Variants in LUZP2 observed in about 807,000 individuals in gnomAD.
LUZP2 encodes leucine zipper protein 2.
LUZP2 carries 52 observed loss-of-function variants against 51.6 expected under a neutral mutation model. The ratio of observed to expected loss-of-function variants is 1.01; its 90% CI spans 0.81 to 1.27. LUZP2 has a LOEUF of 1.27. Among genes scored for constraint, LUZP2 ranks in the 50% most tolerant of loss-of-function variants. The pLI, the probability that LUZP2 is intolerant of heterozygous loss-of-function variation, is 0.00. For missense variants in LUZP2, 436 were observed against 395.4 expected (o/e 1.10, Z -0.87); for synonymous variants, 154 against 137.3 (o/e 1.12, Z -0.85).
intron 5 of LUZP2, among the ~76,000 whole-genome samples, chr11:24,894,965 C>T (rs1852989055): frequency 6.6e-6 from 1 of 152,130 alleles, no homozygotes; most frequent in Non-Finnish European, 1.5e-5. Flanking sequence ...ATGGCTAGTT[C>T]AAGTCAAGTT....
chr11:24,935,732 A>T (rs910580492), intron 7 of LUZP2, among the ~76,000 whole-genome samples: 17 of 152,186 alleles, frequency 1.1e-4, no homozygotes, highest in African/African-American at 4.1e-4. Flanking sequence ...GTCCTGATGT[A>T]TATAATATTA....
intron 1 of LUZP2, among the ~76,000 whole-genome samples, chr11:24,659,677 T>C (rs976751115): frequency 6.6e-6 from 1 of 152,094 alleles, no homozygotes; most frequent in East Asian, 1.9e-4. Context: ...ATACATAAAA[T>C]ATGCATAAGA....
intron 5 of LUZP2, among the ~76,000 whole-genome samples, chr11:24,847,994 A>C (rs1223539377): frequency 6.6e-6 from 1 of 152,154 alleles, no homozygotes; most frequent in Non-Finnish European, 1.5e-5. Context: ...TGGTACATAG[A>C]ATCATTTAAG....
At chr11:24,986,699 G>T (rs890028351) in intron 9 of LUZP2, among the ~76,000 whole-genome samples, 4 of 151,344 alleles carry the variant, frequency 2.6e-5, no homozygotes, top group South Asian at 4.1e-4. Context: ...AAACAAAAAG[G>T]CTTGTGTAAT....
rs567007039 is a variant in LUZP2 at position 24,969,663 on chromosome 11, C to T, written c.523-6928C>T. On this transcript the variant is annotated intron_variant, in intron 7 of 11. Coordinates refer to ENST00000336930, the MANE Select transcript of LUZP2 (RefSeq NM_001009909.4). ...ATATCTTCTAGTTTCTGCATAAAGT[C>T]ATTTAAGTGCCTAAATCAATTTTCA... is the stretch of plus-strand genomic sequence containing the variant. Among the ~76,000 whole-genome samples, 19 of 152,194 alleles carry T rather than the reference C, an allele frequency of 1.2e-4. No individual in the cohort carries two copies. In the East Asian group the frequency reaches 3.7e-3, roughly 29 times the overall value.
At chr11:24,755,720 A>G (rs1472087075) in intron 4 of LUZP2, among the ~76,000 whole-genome samples, 1 of 152,182 alleles carries the variant, frequency 6.6e-6, no homozygotes, top group Non-Finnish European at 1.5e-5. Flanking sequence ...CATTAACATT[A>G]AAACTGAGAT....
chr11:24,900,748 A>G (rs1853253543), intron 5 of LUZP2, among the ~76,000 whole-genome samples: 1 of 152,056 alleles, frequency 6.6e-6, no homozygotes, highest in Non-Finnish European at 1.5e-5. Flanking sequence ...TTTGTACCTC[A>G]CTTTCATTTT....
At chr11:24,856,427 T>G (rs1310345766) in intron 5 of LUZP2, among the ~76,000 whole-genome samples, 1 of 151,936 alleles carries the variant, frequency 6.6e-6, no homozygotes, top group African/African-American at 2.4e-5. Context: ...AAAAAGTCAA[T>G]AAAAGTTATT....
intron 5 of LUZP2, among the ~76,000 whole-genome samples, chr11:24,779,950 T>C (rs1414460282): frequency 6.6e-6 from 1 of 152,014 alleles, no homozygotes. Context: ...ACAACAGCCA[T>C]GAGAAAGTGG....
intron 1 of LUZP2, among the ~76,000 whole-genome samples, chr11:24,682,849 CA>C (rs1275701382): frequency 6.6e-6 from 1 of 151,778 alleles, no homozygotes. Flanking sequence ...ACTAAAAAGA[CA>C]AAAATTAGCT....
At chr11:24,973,185 T>C (rs10767290) in intron 7 of LUZP2, among the ~76,000 whole-genome samples, 136,890 of 150,602 alleles carry the variant, frequency 0.91, 63,664 homozygotes, top group Non-Finnish European at 1. Context: ...TGTTTGTTTC[T>C]AGGAACTTAT....
intron 7 of LUZP2, among the ~76,000 whole-genome samples, chr11:24,921,449 G>C (rs1447150266): frequency 6.6e-6 from 1 of 152,074 alleles, no homozygotes; most frequent in Non-Finnish European, 1.5e-5. Flanking sequence ...CATTACACTT[G>C]GCACAGGTGG....
At chr11:25,067,321 C>T (rs1239974125) in intron 10 of LUZP2, among the ~76,000 whole-genome samples, 1 of 151,940 alleles carries the variant, frequency 6.6e-6, no homozygotes, top group South Asian at 2.1e-4. Context: ...TTCTCCCATT[C>T]TATAGGTTGC....
At chr11:25,028,132 A>G (rs1426770785) in intron 9 of LUZP2, among the ~76,000 whole-genome samples, 1 of 152,160 alleles carries the variant, frequency 6.6e-6, no homozygotes, top group African/African-American at 2.4e-5. Flanking sequence ...TGATACAAGC[A>G]TACAATGCGT....
At chr11:25,023,154 C>A (rs1018651277) in intron 9 of LUZP2, among the ~76,000 whole-genome samples, 1 of 152,106 alleles carries the variant, frequency 6.6e-6, no homozygotes, top group African/African-American at 2.4e-5. Context: ...CAGAATGATG[C>A]TGGCCTCATA....
chr11:24,636,212 C>T (rs1438423051), intron 1 of LUZP2, among the ~76,000 whole-genome samples: 3 of 152,108 alleles, frequency 2.0e-5, no homozygotes. Context: ...TGAGTCATAT[C>T]ATCATCCCCA....
chr11:24,590,661 C>T (rs1312747747), intron 1 of LUZP2, among the ~76,000 whole-genome samples: 2 of 152,084 alleles, frequency 1.3e-5, no homozygotes, highest in Admixed American at 6.6e-5. Flanking sequence ...AAGTGTGTTG[C>T]CTTAATACTA....
At chr11:24,617,207 G>T (rs1163216898) in intron 1 of LUZP2, among the ~76,000 whole-genome samples, 2 of 143,442 alleles carry the variant, frequency 1.4e-5, no homozygotes, top group African/African-American at 5.6e-5. Flanking sequence ...CAATCTTCAT[G>T]TTCACTGATT....
At chr11:24,617,950 G>A (rs1854345920) in intron 1 of LUZP2, among the ~76,000 whole-genome samples, 1 of 152,132 alleles carries the variant, frequency 6.6e-6, no homozygotes, top group Non-Finnish European at 1.5e-5. Context: ...TGTTTTAACT[G>A]CCTTCCTCTG....
Sources: allele counts gnomAD v4.1 joint callset (sites outside exome capture counted in the v4.1 genomes callset), GRCh38; gene constraint gnomAD v4.1.1; transcripts MANE v1.5; gene names NCBI Gene and HGNC (gene_info 2026-07-23, HGNC 2026-07-21).